The following FKTN variants were observed in gnomAD, a reference collection of about 807,000 sequenced individuals.
FKTN encodes ribitol-5-phosphate transferase FKTN.
Under a neutral mutation model 58.6 loss-of-function variants are expected in FKTN, and 47 were observed. The ratio of observed to expected loss-of-function variants is 0.80; its 90% CI spans 0.63 to 1.02. The LOEUF (loss-of-function observed/expected upper bound fraction) is 1.02, where lower values mean the gene tolerates loss of function less well. Among genes scored for constraint, FKTN ranks in the 50% least tolerant of loss-of-function variants. FKTN has a pLI of 0.00. For synonymous variants in FKTN, 178 were observed against 191.9 expected (o/e 0.93, Z 0.60); for missense variants, 516 against 537.3 (o/e 0.96, Z 0.39).
chr9:105,584,012 G>T (rs1037857889), intron 3 of FKTN, among the ~76,000 whole-genome samples: 14 of 152,160 alleles, frequency 9.2e-5, no homozygotes, highest in Non-Finnish European at 1.8e-4. Flanking sequence ...TGGTGGCAGT[G>T]TAACATAGTT....
At chr9:105,601,449 A>T in intron 5 of FKTN, 101 bp downstream of exon 5, 1 of 782,660 alleles carries the variant, frequency 1.3e-6, no homozygotes. Context: ...TTTTCCTGAA[A>T]CACTTTATAA....
chr9:105,600,649 G>A (rs998813746), intron 4 of FKTN, among the ~76,000 whole-genome samples: 2 of 152,100 alleles, frequency 1.3e-5, no homozygotes, highest in African/African-American at 4.8e-5. Flanking sequence ...AGATTATTAA[G>A]CAGCATTACA....
chr9:105,562,192 G>A lies in FKTN; in HGVS notation c.-181+4027G>A, dbSNP rs1318004653. On this transcript the variant is annotated intron_variant, in intron 1 of 10. Transcript: ENST00000357998. ...ACTGTGCTACTGCAGTAAAGAAACA[G>A]CTTACTTAACAATGATGCTGGCTGT... is the stretch of plus-strand genomic sequence containing the variant. Among the ~76,000 whole-genome samples, 4 of 152,236 alleles carry A rather than the reference G, an allele frequency of 2.6e-5. 1 individual carries two copies. In the South Asian group the frequency reaches 8.3e-4, roughly 31 times the overall value.
intron 10 of FKTN, among the ~76,000 whole-genome samples, chr9:105,634,345 G>A (rs1291789809): frequency 6.6e-6 from 1 of 152,014 alleles, no homozygotes; most frequent in African/African-American, 2.4e-5. Flanking sequence ...TGTTGGCCGG[G>A]CTGGTCTCGA....
chr9:105,592,008 T>A (rs1844970365), intron 3 of FKTN, among the ~76,000 whole-genome samples: 1 of 152,250 alleles, frequency 6.6e-6, no homozygotes, highest in African/African-American at 2.4e-5. Context: ...TTGAGGCTAC[T>A]CAGGGTGGCA....
At chr9:105,603,616 C>T (rs1828297905) in intron 5 of FKTN, 1 of 152,318 alleles carries the variant, frequency 6.6e-6, no homozygotes, top group Non-Finnish European at 1.5e-5. Context: ...AACTGGAAAA[C>T]ACTAACATGA....
At chr9:105,596,722 A>C (rs1343598137) in intron 4 of FKTN, 65 bp downstream of exon 4, 1 of 1,176,640 alleles carries the variant, frequency 8.5e-7, no homozygotes, top group Non-Finnish European at 1.3e-6. Flanking sequence ...TTTACTCCGT[A>C]AGTATTTGTT....
At chr9:105,586,862 C>A (rs544022966) in intron 3 of FKTN, among the ~76,000 whole-genome samples, 2 of 152,254 alleles carry the variant, frequency 1.3e-5, no homozygotes, top group South Asian at 4.1e-4. Flanking sequence ...TATAGTGTCC[C>A]TATAAGCTTA....
intron 3 of FKTN, among the ~76,000 whole-genome samples, chr9:105,588,129 T>A (rs374953240): frequency 9.2e-5 from 14 of 152,350 alleles, no homozygotes; most frequent in African/African-American, 3.1e-4. Flanking sequence ...GAAACACTGT[T>A]GGATACTGCA....
chr9:105,561,913 TG>T (rs1838362806), intron 1 of FKTN, among the ~76,000 whole-genome samples: 1 of 151,056 alleles, frequency 6.6e-6, no homozygotes, highest in South Asian at 2.1e-4. Context: ...TGAGAACAGC[TG>T]AAAAATGTCG....
At chr9:105,572,188 A>G (rs900117547) in intron 1 of FKTN, among the ~76,000 whole-genome samples, 3 of 151,840 alleles carry the variant, frequency 2.0e-5, no homozygotes, top group Non-Finnish European at 2.9e-5. Context: ...AATTGTTCAC[A>G]TCACTATTGG....
chr9:105,558,362 G>A (rs1837584656), intron 1 of FKTN, among the ~76,000 whole-genome samples, 197 bp downstream of exon 1: 1 of 152,164 alleles, frequency 6.6e-6, no homozygotes, highest in African/African-American at 2.4e-5. Context: ...GCATCGCGTG[G>A]TAGACTTCCA....
At chr9:105,573,178 T>A (rs1457927981) in intron 1 of FKTN, among the ~76,000 whole-genome samples, 1 of 151,456 alleles carries the variant, frequency 6.6e-6, no homozygotes, top group Non-Finnish European at 1.5e-5. Context: ...AAGGTTGCAG[T>A]GAACTGAGAT....
At chr9:105,563,330 G>A (rs1190461304) in intron 1 of FKTN, among the ~76,000 whole-genome samples, 3 of 152,192 alleles carry the variant, frequency 2.0e-5, no homozygotes, top group Non-Finnish European at 2.9e-5. Flanking sequence ...AGCGCACCGA[G>A]CGTGAGCCGA....
intron 6 of FKTN, among the ~76,000 whole-genome samples, chr9:105,605,499 C>G (rs1828729494): frequency 6.6e-6 from 1 of 152,052 alleles, no homozygotes; most frequent in African/African-American, 2.4e-5. Flanking sequence ...CTGTTGATAA[C>G]TAACAATATA....
At chr9:105,604,627 C>G in intron 6 of FKTN, 135 bp downstream of exon 6, 1 of 747,196 alleles carries the variant, frequency 1.3e-6, no homozygotes, top group Admixed American at 2.4e-5. Context: ...TTCTTAATGA[C>G]TCCAAATTAG....
chr9:105,574,851 G>T, intron 2 of FKTN, 94 bp from the exon 3 acceptor site: 1 of 583,864 alleles, frequency 1.7e-6, no homozygotes, highest in Non-Finnish European at 3.0e-6. Flanking sequence ...AATGCCTGTG[G>T]AAATTTAATT....
Position 105,599,106 on chromosome 9 carries a change from C to G in FKTN, c.166-2039C>G, listed in dbSNP as rs563126091. Among the ~76,000 whole-genome samples, 20 of 152,262 alleles carry G rather than the reference C, an allele frequency of 1.3e-4. No homozygotes were observed. In the South Asian group the frequency reaches 3.9e-3, roughly 30 times the overall value. ...CAAAGATATATGAAGAACTCCCACA[C>G]GACTCAGTAATAGATTTTTTGTTCA... On this transcript the variant is annotated intron_variant, in intron 4 of 10. Transcript: ENST00000357998.
rs1834173104 is a variant in FKTN at position 105,638,169 on chromosome 9, T to C, written c.*2905T>C. ...CTGAGGCTAAAACCCAAGACTGCCG[T>C]GACTCCTAGTCCAATGTCTGTTTCG... On this transcript the variant is annotated 3_prime_UTR_variant, in exon 11 of 11. Coordinates refer to ENST00000357998, the MANE Select transcript of FKTN (RefSeq NM_001079802.2). The C allele has an allele frequency of 2.0e-6, 2 of 985,404 alleles. No homozygotes were observed. The highest frequency in any genetic ancestry group is 2.4e-6 in the Non-Finnish European group (2 of 829,914). The allele number at this position is 985,404 out of a possible 1,614,324, so 61.0% of individuals were successfully genotyped here. A position where few individuals can be genotyped will look rare whatever the true frequency, so the allele number is the denominator to read the frequency against.
Sources: allele counts gnomAD v4.1 joint callset (sites outside exome capture counted in the v4.1 genomes callset), GRCh38; gene constraint gnomAD v4.1.1; transcripts MANE v1.5; gene names NCBI Gene and HGNC (gene_info 2026-07-23, HGNC 2026-07-21).